The following ZNF124 variants were observed in gnomAD, a reference collection of about 807,000 sequenced individuals.
ZNF124 encodes the protein zinc finger protein HZF-16.
ZNF124 carries 25 observed loss-of-function variants against 26.6 expected under a neutral mutation model. The observed-to-expected ratio is 0.94, with a 90% CI of 0.68 to 1.31. The LOEUF (loss-of-function observed/expected upper bound fraction) is 1.31, where lower values mean the gene tolerates loss of function less well. Among genes scored for constraint, ZNF124 ranks in the 40% most tolerant of loss-of-function variants. ZNF124 has a pLI of 0.00. For synonymous variants in ZNF124, 129 were observed against 133.3 expected, an observed-to-expected ratio of 0.97 and a Z score of 0.22; for missense variants, 444 against 422.2, an observed-to-expected ratio of 1.05 and a Z score of -0.45.
intron 1 of ZNF124, among the ~76,000 whole-genome samples, chr1:247,167,293 C>T (rs1269575116): frequency 6.6e-6 from 1 of 152,180 alleles, no homozygotes; most frequent in African/African-American, 2.4e-5. Context: ...CCACAGTGAT[C>T]GGGCAAGGTT....
intron 1 of ZNF124, among the ~76,000 whole-genome samples, chr1:247,170,593 T>C (rs2103143321): frequency 6.9e-6 from 1 of 144,314 alleles, no homozygotes; most frequent in South Asian, 2.3e-4. Context: ...AGGAAGGGCT[T>C]CATTCTGCCG....
chr1:247,123,498 G>A (rs905181920), exon 4 of ZNF124: 16 of 186,924 alleles, frequency 8.6e-5, no homozygotes, highest in Admixed American at 3.0e-4. Context: ...CCCGGCCTAC[G>A]TGAGCCGTTT....
chr1:247,139,718 G>C (rs933791007), intron 3 of ZNF124, among the ~76,000 whole-genome samples: 1 of 152,142 alleles, frequency 6.6e-6, no homozygotes, highest in African/African-American at 2.4e-5. Flanking sequence ...GCATTTGCTT[G>C]TCTGAAAAGG....
At chr1:247,144,660 T>C (rs1672715634) in intron 3 of ZNF124, among the ~76,000 whole-genome samples, 1 of 152,218 alleles carries the variant, frequency 6.6e-6, no homozygotes, top group South Asian at 2.1e-4. Flanking sequence ...TATTCCACTT[T>C]TGAGGTGGGT....
At chr1:247,125,317 A>G (rs1251881735) in intron 3 of ZNF124, among the ~76,000 whole-genome samples, 1 of 151,252 alleles carries the variant, frequency 6.6e-6, no homozygotes, top group Non-Finnish European at 1.5e-5. Flanking sequence ...CTATGTTTGA[A>G]TTTTAGAGGG....
chr1:247,132,403 C>T (rs1672388930), intron 3 of ZNF124, among the ~76,000 whole-genome samples: 1 of 152,202 alleles, frequency 6.6e-6, no homozygotes, highest in Admixed American at 6.5e-5. Context: ...ATCACAACAT[C>T]TCTCCATCAA....
intron 3 of ZNF124, among the ~76,000 whole-genome samples, chr1:247,132,913 G>A (rs1238725224): frequency 1.3e-5 from 2 of 152,174 alleles, no homozygotes; most frequent in Non-Finnish European, 2.9e-5. Flanking sequence ...AGGGAGCTTG[G>A]CTTTTGAGAC....
chr1:247,137,013 G>A (rs561837010), intron 3 of ZNF124, among the ~76,000 whole-genome samples: 46 of 150,608 alleles, frequency 3.1e-4, no homozygotes, highest in Non-Finnish European at 5.8e-4. Flanking sequence ...TAAGCAAAAA[G>A]AACAAAGCTG....
rs973331324 is a variant in ZNF124, at chr1:247,168,871, G to A, written c.30+2977C>T. ...GATTTGGGGGCAAGGGTGGGAGGGG[G>A]TGAGACTGCATATTGGGTACAGCGT... On this transcript the variant is annotated intron_variant, in intron 1 of 3. Transcript: ENST00000543802. The surrounding 1 kb of genome is among the most constrained non-coding windows in gnomAD (Gnocchi z 4.0). Among the ~76,000 whole-genome samples, 2 of 152,062 alleles carry A rather than the reference G, an allele frequency of 1.3e-5. No homozygotes were observed. The highest frequency in any genetic ancestry group is 2.4e-5 in the African/African-American group (1 of 41,386).
chr1:247,157,231 A>T lies in ZNF124; in HGVS notation c.391T>A (p.Phe131Ile). The T allele has an allele frequency of 6.2e-7, 1 of 1,614,098 alleles. No individual in the cohort carries two copies. ...ATCTGAAATGAACTGGGAATATTAA[A>T]AACTTTCTCACATATTGTACAACCA... ...HYGCTICEKVFNIPSSFQIHQ... is the reference protein window; with the variant it reads ...HYGCTICEKVINIPSSFQIHQ... The change falls in exon 4 of 4, where the codon TTT becomes ATT. Residue 131 changes from phenylalanine (F) to isoleucine (I), a missense_variant. Coordinates refer to ENST00000543802, the MANE Select transcript of ZNF124 (RefSeq NM_001297568.2).
intron 3 of ZNF124, among the ~76,000 whole-genome samples, chr1:247,130,928 T>C (rs1672342322): frequency 6.6e-6 from 1 of 152,092 alleles, no homozygotes; most frequent in Non-Finnish European, 1.5e-5. Context: ...TACGAAAAAT[T>C]AGCTGGGCGT....
In ZNF124 at chr1:247,170,646, A is replaced by G. The variant is rs899458248; in HGVS notation, c.30+1202T>C. Among the ~76,000 whole-genome samples, 10 of 143,988 alleles carry G rather than the reference A, an allele frequency of 6.9e-5. 2 individuals carry two copies. The highest frequency in any genetic ancestry group is 6.0e-4 in the East Asian group (3 of 5,018). 94.5% of individuals were successfully genotyped at this position (143,988 alleles called of 152,430 possible). ...CACGTCTCCAAAAACCCAGCTCCCC[A>G]AGTGAGCAATTCCTGTCCCTTTTAA... On this transcript the variant is annotated intron_variant, in intron 1 of 3. Transcript: ENST00000543802.
rs1277405131 is a variant in ZNF124 at position 247,156,538 on chromosome 1, T to C, written c.*28A>G. ...CTCAAGTATGTGACTGTTCATGTTTTTGACAAAAACTGTAGTGATTAAAGC... is the reference window on the plus strand; with the variant it reads ...CTCAAGTATGTGACTGTTCATGTTTCTGACAAAAACTGTAGTGATTAAAGC... On this transcript the variant is annotated 3_prime_UTR_variant, in exon 4 of 4. Transcript: ENST00000543802. The C allele has an allele frequency of 2.0e-6, 3 of 1,500,710 alleles. No individual in the cohort carries two copies. The African/African-American group carries it at 4.2e-5, about 21-fold the overall frequency. 93.0% of individuals were successfully genotyped at this position (1,500,710 alleles called of 1,614,324 possible). A position where few individuals can be genotyped will look rare whatever the true frequency, so the allele number is the denominator to read the frequency against.
At chr1:247,147,415 T>TG (rs1300023233) in intron 3 of ZNF124, among the ~76,000 whole-genome samples, 3 of 151,822 alleles carry the variant, frequency 2.0e-5, no homozygotes, top group Non-Finnish European at 4.4e-5. Context: ...TTATTAGAGA[T>TG]GGGGTTTCAC....
chr1:247,161,096 A>G (rs189106511), intron 1 of ZNF124, among the ~76,000 whole-genome samples: 1 of 152,370 alleles, frequency 6.6e-6, no homozygotes, highest in East Asian at 1.9e-4. Flanking sequence ...TACTTTTCAA[A>G]ACCTACAGAA....
chr1:247,142,313 GA>G (rs749036664), intron 3 of ZNF124, among the ~76,000 whole-genome samples: 2 of 152,138 alleles, frequency 1.3e-5, no homozygotes, highest in African/African-American at 2.4e-5. Flanking sequence ...TGTAGAAAAG[GA>G]ATTTGAACAA....
chr1:247,151,323 C>CA (rs1672932109), downstream of ZNF124, among the ~76,000 whole-genome samples: 3 of 151,808 alleles, frequency 2.0e-5, no homozygotes, highest in South Asian at 4.2e-4. Context: ...ACTAAAAATA[C>CA]AAAAAATTAG....
intron 1 of ZNF124, among the ~76,000 whole-genome samples, chr1:247,165,687 C>G (rs1436164663): frequency 6.6e-6 from 1 of 152,088 alleles, no homozygotes; most frequent in Non-Finnish European, 1.5e-5. Flanking sequence ...TATCCAGAAT[C>G]TGTAAGAAAC....
chr1:247,127,740 C>T (rs1434483116), intron 3 of ZNF124, among the ~76,000 whole-genome samples: 1 of 149,242 alleles, frequency 6.7e-6, no homozygotes, highest in African/African-American at 2.5e-5. Context: ...TCACGACCCT[C>T]TCACGCGGAC....
Sources: gnomAD v4.1 joint callset for allele counts (sites outside exome capture counted in the v4.1 genomes callset) on GRCh38, gnomAD v4.1.1 for gene constraint, Gnocchi (gnomAD v3.1) non-coding constraint, MANE v1.5 for transcripts, NCBI Gene and HGNC (gene_info 2026-07-23, HGNC 2026-07-21) for gene names.